The following NEGR1 variants were observed in gnomAD, a reference collection of about 807,000 sequenced individuals.
NEGR1 encodes the protein neuronal growth regulator 1.
In NEGR1, 10 loss-of-function variants were observed where a neutral mutation model predicts 40.9. The observed-to-expected ratio is 0.24, with a 90% CI of 0.15 to 0.42. The LOEUF (loss-of-function observed/expected upper bound fraction) is 0.42, where lower values mean the gene tolerates loss of function less well. NEGR1 is among the 10% of genes least tolerant of loss of function. NEGR1 has a pLI of 1.00. For synonymous variants in NEGR1, 185 were observed against 166.8 expected (o/e 1.11, Z -0.84); for missense variants, 352 against 438.9 (o/e 0.80, Z 1.77).
At chr1:71,557,626 G>C (rs1257349980) in intron 6 of NEGR1, among the ~76,000 whole-genome samples, 2 of 151,530 alleles carry the variant, frequency 1.3e-5, no homozygotes, top group Non-Finnish European at 3.0e-5. Flanking sequence ...TGGAGAAACT[G>C]CAATAATGAA....
At chr1:71,461,616 C>A (rs1217900499) in intron 6 of NEGR1, 1 of 152,148 alleles carries the variant, frequency 6.6e-6, no homozygotes, top group Non-Finnish European at 1.5e-5. Flanking sequence ...CTAATCTTCC[C>A]ATCTGACTTA....
rs79917123 is a variant in NEGR1, at chr1:71,599,867, A to G, written c.789-6899T>C. 6.5e-3 allele frequency among the ~76,000 whole-genome samples: 988 copies of G among 152,352 alleles called. 18 individuals are homozygous for G. The highest frequency in any genetic ancestry group is 0.053 in the South Asian group (256 of 4,828). Reference sequence around the variant, plus strand: ...CCTACGTTAAATAAACAATGGCTACAGTACAGATGTCAAGCCTCCCTGACT... The same window carrying G: ...CCTACGTTAAATAAACAATGGCTACGGTACAGATGTCAAGCCTCCCTGACT... On this transcript the variant is annotated intron_variant, in intron 5 of 6. Transcript: ENST00000357731.
At chr1:71,688,832 T>C (rs1219139255) in intron 4 of NEGR1, among the ~76,000 whole-genome samples, 1 of 152,206 alleles carries the variant, frequency 6.6e-6, no homozygotes, top group Non-Finnish European at 1.5e-5. Context: ...GCAGTCATTC[T>C]TGTTGTTTTA....
chr1:71,974,601 G>A (rs1015667089), intron 1 of NEGR1, among the ~76,000 whole-genome samples: 1 of 152,046 alleles, frequency 6.6e-6, no homozygotes, highest in East Asian at 1.9e-4. Context: ...ATCCTAATCT[G>A]CTAGAAATAT....
chr1:72,268,394 G>A (rs924747138), intron 1 of NEGR1, among the ~76,000 whole-genome samples: 3 of 151,364 alleles, frequency 2.0e-5, no homozygotes, highest in South Asian at 2.1e-4. Flanking sequence ...TGCTGTGGCC[G>A]CTGAGCTAAG....
chr1:71,630,047 A>T (rs1650922033), intron 4 of NEGR1, among the ~76,000 whole-genome samples: 1 of 151,994 alleles, frequency 6.6e-6, no homozygotes, highest in Non-Finnish European at 1.5e-5. Flanking sequence ...AATTTAATAT[A>T]AAGCTAAAAA....
chr1:71,984,271 C>G lies in NEGR1; in HGVS notation c.177-48960G>C, dbSNP rs115338382. On this transcript the variant is annotated intron_variant, in intron 1 of 6. Transcript: ENST00000357731. ...CCTACTGCTCAACAGAATATTTATTCTGTTAAAATAACTTTTTTTTAATTA... is the reference window on the plus strand; with the variant it reads ...CCTACTGCTCAACAGAATATTTATTGTGTTAAAATAACTTTTTTTTAATTA... 8.4e-3 allele frequency among the ~76,000 whole-genome samples: 999 copies of G among 119,382 alleles called. 58 individuals carry two copies. The highest frequency in any genetic ancestry group is 0.025 in the African/African-American group (951 of 37,584). 78.3% of individuals were successfully genotyped at this position (119,382 alleles called of 152,430 possible).
chr1:71,708,618 C>T (rs1557622306), intron 3 of NEGR1, among the ~76,000 whole-genome samples: 1 of 151,078 alleles, frequency 6.6e-6, no homozygotes, highest in Non-Finnish European at 1.5e-5. Context: ...TTTTTAAGTT[C>T]AGGGGTAAAT....
chr1:72,117,555 C>T (rs766224152), intron 1 of NEGR1, among the ~76,000 whole-genome samples: 2 of 151,678 alleles, frequency 1.3e-5, no homozygotes, highest in African/African-American at 2.4e-5. Flanking sequence ...GGAATAAATC[C>T]AGTGGTGCCT....
intron 1 of NEGR1, among the ~76,000 whole-genome samples, chr1:72,239,901 T>A (rs1654679147): frequency 6.6e-6 from 1 of 151,834 alleles, no homozygotes; most frequent in Non-Finnish European, 1.5e-5. Flanking sequence ...ATGAGAAATA[T>A]TCTATGAAAT....
intron 1 of NEGR1, among the ~76,000 whole-genome samples, chr1:72,147,832 T>C (rs1343613869): frequency 6.6e-6 from 1 of 152,090 alleles, no homozygotes; most frequent in Non-Finnish European, 1.5e-5. Context: ...AGCGGGGCAG[T>C]CAAATTTTAA....
chr1:72,103,497 G>C (rs1649021238), intron 1 of NEGR1, among the ~76,000 whole-genome samples: 1 of 152,032 alleles, frequency 6.6e-6, no homozygotes, highest in Non-Finnish European at 1.5e-5. Context: ...TATGCAGTAT[G>C]CTTCTTGACT....
At chr1:72,140,096 C>T (rs1205629530) in intron 1 of NEGR1, among the ~76,000 whole-genome samples, 3 of 152,040 alleles carry the variant, frequency 2.0e-5, no homozygotes, top group Non-Finnish European at 2.9e-5. Context: ...ATGAAACTAT[C>T]AACATGATAC....
At chr1:72,082,652 C>A (rs1453655305) in intron 1 of NEGR1, among the ~76,000 whole-genome samples, 1 of 148,272 alleles carries the variant, frequency 6.7e-6, no homozygotes, top group African/African-American at 2.5e-5. Context: ...CCATACATGA[C>A]AAAATTTTAT....
rs570982595 is a variant in NEGR1 at position 71,506,954 on chromosome 1, G to A, written c.940+85863C>T. 3.9e-5 allele frequency among the ~76,000 whole-genome samples: 6 copies of A among 152,300 alleles called. No individual in the cohort carries two copies. In the South Asian group the frequency reaches 1.2e-3, roughly 32 times the overall value. On this transcript the variant is annotated intron_variant, in intron 6 of 6. Transcript: ENST00000357731. ...TAACCAGGCCCTAAAGCTCCTTGAAGGTCAAGATGATACTATATATACTGA... is the reference window on the plus strand; with the variant it reads ...TAACCAGGCCCTAAAGCTCCTTGAAAGTCAAGATGATACTATATATACTGA...
chr1:71,772,624 C>T lies in NEGR1; in HGVS notation c.535+3548G>A, dbSNP rs112237091. ...GAATATGGTTGATTAATTGAATAAA[C>T]GTATGATACCAATGTTAAATTTACT... On this transcript the variant is annotated intron_variant, in intron 3 of 6. Transcript: ENST00000357731. 4.1e-4 allele frequency among the ~76,000 whole-genome samples: 63 copies of T among 152,048 alleles called. 1 individual carries two copies. Among genetic ancestry groups the T allele is most frequent in the Non-Finnish European group, 1.0e-4 (7 of 67,988 alleles).
At chr1:72,221,272 G>A (rs1654003886) in intron 1 of NEGR1, among the ~76,000 whole-genome samples, 3 of 151,846 alleles carry the variant, frequency 2.0e-5, no homozygotes, top group Admixed American at 2.0e-4. Flanking sequence ...TTTAATCCAG[G>A]ACAACCTTAT....
intron 4 of NEGR1, among the ~76,000 whole-genome samples, chr1:71,695,368 G>T (rs917795553): frequency 2.0e-5 from 3 of 151,438 alleles, no homozygotes; most frequent in African/African-American, 4.8e-5. Flanking sequence ...AATCCTGTTG[G>T]GTCTATTTTC....
At chr1:71,794,940 C>T (rs1371739213) in intron 2 of NEGR1, among the ~76,000 whole-genome samples, 1 of 151,868 alleles carries the variant, frequency 6.6e-6, no homozygotes, top group Admixed American at 6.6e-5. Context: ...TATGAATGCA[C>T]AATTTTAAAA....
Sources: gnomAD v4.1 joint callset for allele counts (sites outside exome capture counted in the v4.1 genomes callset) on GRCh38, gnomAD v4.1.1 for gene constraint, MANE v1.5 for transcripts, NCBI Gene and HGNC (gene_info 2026-07-23, HGNC 2026-07-21) for gene names.